The following PEX14 variants were observed in gnomAD, a reference collection of about 807,000 sequenced individuals.
PEX14 encodes the protein peroxisomal membrane protein PEX14.
In PEX14, 15 loss-of-function variants were observed where a neutral mutation model predicts 49.5. The observed-to-expected ratio is 0.30, with a 90% CI of 0.20 to 0.47. The LOEUF is 0.47. PEX14 is among the 20% of genes least tolerant of loss of function. The pLI, the probability that PEX14 is intolerant of heterozygous loss-of-function variation, is 1.00. For missense variants in PEX14, 398 were observed against 494.8 expected (o/e 0.80, Z 1.86); for synonymous variants, 210 against 212.7 (o/e 0.99, Z 0.11).
intron 3 of PEX14, among the ~76,000 whole-genome samples, chr1:10,560,284 C>G (rs1309601904): frequency 1.3e-5 from 2 of 152,008 alleles, no homozygotes; most frequent in Admixed American, 6.5e-5. Flanking sequence ...CTTGAACTCC[C>G]AACATCAGGT....
chr1:10,605,256 T>G (rs989736278), intron 4 of PEX14, among the ~76,000 whole-genome samples: 1 of 151,998 alleles, frequency 6.6e-6, no homozygotes, highest in Non-Finnish European at 1.5e-5. Flanking sequence ...GGTGATACGG[T>G]CTGTGAGCCC....
chr1:10,601,429 G>A (rs916790675), intron 4 of PEX14, among the ~76,000 whole-genome samples: 3 of 152,162 alleles, frequency 2.0e-5, no homozygotes, highest in Admixed American at 1.3e-4. Context: ...GTGTGATCTT[G>A]GCAGTAGAGC....
At position 10,630,127 on chromosome 1, in the gene PEX14, C is replaced by G; in HGVS notation, c.*140C>G. 7.4e-7 allele frequency: 1 copy of G among 1,345,378 alleles called. No homozygotes were observed. Among genetic ancestry groups the G allele is most frequent in the Non-Finnish European group, 1.0e-6 (1 of 998,548 alleles). The allele number at this position is 1,345,378 out of a possible 1,614,324, so 83.3% of individuals were successfully genotyped here. On this transcript the variant is annotated 3_prime_UTR_variant, in exon 9 of 9. Transcript: ENST00000356607. This position sits in a 1 kb window ranked among gnomAD's most constrained non-coding sequence, Gnocchi z 4.1. ...GAGCTGTCCTCAGCTGCACTGCGGC[C>G]TGGTGGCAGTGTGGGGAGTCACACT...
intron 3 of PEX14, among the ~76,000 whole-genome samples, chr1:10,579,207 GAC>G (rs1640238739): frequency 6.6e-6 from 1 of 152,078 alleles, no homozygotes; most frequent in South Asian, 2.1e-4. Flanking sequence ...CATAATCAGA[GAC>G]AGTGTAGCAC....
At chr1:10,518,696 G>T (rs534303768) in intron 2 of PEX14, among the ~76,000 whole-genome samples, 3 of 152,266 alleles carry the variant, frequency 2.0e-5, no homozygotes, top group African/African-American at 4.8e-5. Context: ...GAAGAAGGAG[G>T]CCTGCTATAT....
chr1:10,504,512 T>C lies in PEX14; in HGVS notation c.84+9191T>C, dbSNP rs537238196. ...TGACCCTGGGGGCACAGCTCTCCTG[T>C]TTGTGTGCAGAGTGTGTGGGGCGGT... On this transcript the variant is annotated intron_variant, in intron 2 of 8. Transcript: ENST00000356607. 2.0e-5 allele frequency among the ~76,000 whole-genome samples: 3 copies of C among 152,286 alleles called. No homozygotes were observed. The East Asian group carries it at 5.8e-4, about 29-fold the overall frequency.
At chr1:10,600,974 C>T (rs1450016199) in intron 4 of PEX14, among the ~76,000 whole-genome samples, 1 of 145,410 alleles carries the variant, frequency 6.9e-6, no homozygotes, top group East Asian at 2.1e-4. Flanking sequence ...CTCAAAAAAA[C>T]AGACAGGCCG....
rs1056379660 is a variant in PEX14, at chr1:10,624,352, A to G, written c.500A>G (p.Gln167Arg). 1 of 1,612,412 alleles carries G rather than the reference A, an allele frequency of 6.2e-7. No homozygotes were observed. The highest frequency in any genetic ancestry group is 1.3e-5 in the African/African-American group (1 of 75,016). The change falls in exon 7 of 9, where the codon CAG becomes CGG. Residue 167 changes from glutamine to arginine, a missense_variant. Physicochemically the swap from Gln to Arg is conservative, Grantham distance 43 (BLOSUM62 1). Coordinates refer to ENST00000356607, the MANE Select transcript of PEX14 (RefSeq NM_004565.3). The stretch of plus-strand genomic sequence containing the variant: ...TTTCTCCTCGCAGTGACTCAGTTAC[A>G]GACGACCCTCGCCTCCGTCCAGGAG... ...GSVAQTVTQLQTTLASVQELL... is the reference protein window; with the variant it reads ...GSVAQTVTQLRTTLASVQELL...
intron 1 of PEX14, among the ~76,000 whole-genome samples, chr1:10,487,608 C>A (rs1641394179): frequency 6.6e-6 from 1 of 151,370 alleles, no homozygotes; most frequent in South Asian, 2.1e-4. Context: ...CCTCAGCCTC[C>A]CAAGTATCTG....
At chr1:10,582,113 T>C (rs1200186903) in intron 3 of PEX14, among the ~76,000 whole-genome samples, 1 of 152,074 alleles carries the variant, frequency 6.6e-6, no homozygotes, top group East Asian at 1.9e-4. Context: ...TTACATAGGA[T>C]GAAACTCCAA....
intron 2 of PEX14, among the ~76,000 whole-genome samples, chr1:10,520,170 T>TTTGTTTTTTC (rs1638237322): frequency 7.0e-6 from 1 of 142,210 alleles, no homozygotes; most frequent in Non-Finnish European, 1.5e-5. Context: ...TTTGTTTTTT[T>TTTGTTTTTTC]AACTAGAGAC....
At position 10,630,205 on chromosome 1, in the gene PEX14, G is replaced by GCCCCAT; in HGVS notation, c.*223_*224insTCCCCA. The GCCCCAT allele has an allele frequency of 1.4e-6, 1 of 702,758 alleles. No homozygotes were observed. Among genetic ancestry groups the GCCCCAT allele is most frequent in the South Asian group, 2.0e-5 (1 of 51,258 alleles). The allele number at this position is 702,758 out of a possible 1,614,324, so 43.5% of individuals were successfully genotyped here. A position where few individuals can be genotyped will look rare whatever the true frequency, so the allele number is the denominator to read the frequency against. On this transcript the variant is annotated 3_prime_UTR_variant, in exon 9 of 9. Coordinates refer to ENST00000356607, the MANE Select transcript of PEX14 (RefSeq NM_004565.3). The surrounding 1 kb of genome is among the most constrained non-coding windows in gnomAD (Gnocchi z 4.1). ...GCCGCCAGCCCCAGCCCCAGCCCCA[G>GCCCCAT]CCCCAGGCCCAGCTGCCTTTGGCTT... is the stretch of plus-strand genomic sequence containing the variant.
At chr1:10,515,647 C>T (rs1420674686) in intron 2 of PEX14, among the ~76,000 whole-genome samples, 3 of 152,148 alleles carry the variant, frequency 2.0e-5, no homozygotes, top group Admixed American at 2.0e-4. Context: ...TGTTAGAAAA[C>T]TAAATGTTTC....
chr1:10,599,555 A>G (rs1269205237), intron 4 of PEX14, among the ~76,000 whole-genome samples, 189 bp downstream of exon 4: 2 of 152,246 alleles, frequency 1.3e-5, no homozygotes, highest in Admixed American at 6.5e-5. Flanking sequence ...GTATGTGACA[A>G]AGGTTTAAGA....
chr1:10,521,010 C>G (rs1414056730), intron 2 of PEX14, among the ~76,000 whole-genome samples: 3 of 133,384 alleles, frequency 2.2e-5, no homozygotes, highest in Non-Finnish European at 4.9e-5. Flanking sequence ...TTTGAACTTT[C>G]CTTTTACTTT....
intron 1 of PEX14, among the ~76,000 whole-genome samples, chr1:10,479,735 G>C (rs916934195): frequency 6.6e-6 from 1 of 152,170 alleles, no homozygotes; most frequent in Non-Finnish European, 1.5e-5. Flanking sequence ...GCATGGCTTC[G>C]CATCCTGGCA....
intron 7 of PEX14, among the ~76,000 whole-genome samples, chr1:10,626,984 C>T (rs1641766712): frequency 6.6e-6 from 1 of 152,236 alleles, no homozygotes; most frequent in Admixed American, 6.5e-5. Context: ...ACCGCACCCG[C>T]ACGCCTCCGC....
chr1:10,565,217 T>TA (rs1450640616), intron 3 of PEX14, among the ~76,000 whole-genome samples: 4 of 152,226 alleles, frequency 2.6e-5, no homozygotes, highest in African/African-American at 7.2e-5. Flanking sequence ...TTGTATATCT[T>TA]AAAATATTTT....
chr1:10,592,314 C>T (rs749404311), intron 3 of PEX14, among the ~76,000 whole-genome samples: 4 of 151,982 alleles, frequency 2.6e-5, no homozygotes, highest in African/African-American at 7.3e-5. Flanking sequence ...CTGTGGCAGC[C>T]GCAACGATAT....
Sources: allele counts gnomAD v4.1 joint callset (sites outside exome capture counted in the v4.1 genomes callset), GRCh38; gene constraint gnomAD v4.1.1; non-coding constraint Gnocchi (gnomAD v3.1); transcripts MANE v1.5; gene names NCBI Gene and HGNC (gene_info 2026-07-23, HGNC 2026-07-21).